Variants in PDE4D observed in about 807,000 individuals in gnomAD.
The protein encoded by PDE4D is phosphodiesterase 4D, also known as 3',5'-cyclic-AMP phosphodiesterase 4D.
In PDE4D, 24 loss-of-function variants were observed where a neutral mutation model predicts 87.4. The observed-to-expected ratio is 0.27, with a 90% CI of 0.20 to 0.39. PDE4D has a LOEUF of 0.39. PDE4D is among the 10% of genes least tolerant of loss of function. The pLI is 1.00. For missense variants in PDE4D, 714 were observed against 1,041.0 expected, an observed-to-expected ratio of 0.69 and a Z score of 4.32; for synonymous variants, 384 against 383.2, an observed-to-expected ratio of 1.00 and a Z score of -0.02.
At chr5:60,052,408 C>G (rs529864938) in intron 2 of PDE4D, among the ~76,000 whole-genome samples, 2 of 152,286 alleles carry the variant, frequency 1.3e-5, no homozygotes, top group South Asian at 4.2e-4. Context: ...AAACATAACC[C>G]ATCACATAAA....
chr5:59,428,446 T>C (rs1221520120), intron 1 of PDE4D, among the ~76,000 whole-genome samples: 1 of 152,110 alleles, frequency 6.6e-6, no homozygotes, highest in African/African-American at 2.4e-5. Context: ...TTTTTTTAAG[T>C]AATTAGAAAA....
intron 1 of PDE4D, among the ~76,000 whole-genome samples, chr5:59,298,870 G>T (rs1769632529): frequency 6.6e-6 from 1 of 152,128 alleles, no homozygotes; most frequent in African/African-American, 2.4e-5. Context: ...ATCTGATTTT[G>T]TGATAATTTG....
At chr5:59,566,583 T>TGTGAGAGA (rs1554029771) in intron 1 of PDE4D, among the ~76,000 whole-genome samples, 2 of 146,972 alleles carry the variant, frequency 1.4e-5, no homozygotes, top group Admixed American at 1.4e-4. Context: ...TGTGTGTGTG[T>TGTGAGAGA]GAGAGAATGA....
intron 1 of PDE4D, among the ~76,000 whole-genome samples, chr5:59,809,395 C>T (rs1768086260): frequency 6.6e-6 from 1 of 151,946 alleles, no homozygotes. Flanking sequence ...TAAATCTTAC[C>T]CTCTAGTTTA....
intron 1 of PDE4D, among the ~76,000 whole-genome samples, chr5:59,840,969 T>G (rs1320587644): frequency 6.6e-6 from 1 of 151,996 alleles, no homozygotes; most frequent in Non-Finnish European, 1.5e-5. Flanking sequence ...GTAAGAGAGG[T>G]AAAATGTTTT....
At chr5:59,048,760 C>T (rs1761105411) in intron 5 of PDE4D, among the ~76,000 whole-genome samples, 1 of 152,236 alleles carries the variant, frequency 6.6e-6, no homozygotes, top group African/African-American at 2.4e-5. Context: ...CTTATCTCCA[C>T]TCCTACCCCT....
chr5:59,525,258 C>G (rs756714266), intron 1 of PDE4D, among the ~76,000 whole-genome samples: 1 of 152,260 alleles, frequency 6.6e-6, no homozygotes, highest in African/African-American at 2.4e-5. Context: ...GGGGACCCAA[C>G]TCTTGCAACA....
chr5:60,390,962 T>C (rs1010071879), intron 1 of PDE4D, among the ~76,000 whole-genome samples: 17 of 152,142 alleles, frequency 1.1e-4, no homozygotes, highest in Admixed American at 6.6e-5. Flanking sequence ...ACAAACCTAA[T>C]ATAAACATGC....
At position 60,475,929 on chromosome 5, in the gene PDE4D, G is replaced by T. The variant is rs950271802; in HGVS notation, c.-90+12013C>A. ...GGTGCCTAACATAGAGTGACATTCA[G>T]TAGATAATCAATAAGGGGTAATAAC... On this transcript the variant is annotated intron_variant, in intron 1 of 16. Coordinates refer to the PDE4D transcript ENST00000502484. Among the ~76,000 whole-genome samples, 5 of 151,708 alleles carry T rather than the reference G, an allele frequency of 3.3e-5. No individual in the cohort carries two copies. In the East Asian group the frequency reaches 9.7e-4, roughly 29 times the overall value.
intron 1 of PDE4D, among the ~76,000 whole-genome samples, chr5:59,421,114 G>A (rs80347692): frequency 0.074 from 11,274 of 152,104 alleles, 602 homozygotes; most frequent in South Asian, 0.23. Context: ...CTGGTTTATT[G>A]TGAATTCTCA....
At chr5:59,053,645 G>GTTTTTTTTTTTTTTTTTTTTT (rs1338731940) in intron 5 of PDE4D, among the ~76,000 whole-genome samples, 1 of 68,792 alleles carries the variant, frequency 1.5e-5, no homozygotes, top group East Asian at 6.2e-4. Context: ...TTTGTTTTTT[G>GTTTTTTTTTTTTTTTTTTTTT]TTTTTTTTTG....
intron 1 of PDE4D, among the ~76,000 whole-genome samples, chr5:59,433,316 C>T (rs1796371557): frequency 6.6e-6 from 1 of 151,824 alleles, no homozygotes; most frequent in South Asian, 2.1e-4. Flanking sequence ...TTGCTTGTAC[C>T]CAGGTAATTA....
intron 1 of PDE4D, among the ~76,000 whole-genome samples, chr5:59,673,491 C>T (rs1561450724): frequency 6.6e-6 from 1 of 152,146 alleles, no homozygotes; most frequent in Non-Finnish European, 1.5e-5. Flanking sequence ...TGCAAAGTAA[C>T]ACGTGCTAAT....
chr5:59,403,547 A>G (rs1791072545), intron 1 of PDE4D, among the ~76,000 whole-genome samples: 1 of 152,086 alleles, frequency 6.6e-6, no homozygotes, highest in Admixed American at 6.6e-5. Flanking sequence ...TTAAATAGTG[A>G]GAATACGTGA....
At chr5:59,752,511 T>C (rs1037848661) in intron 1 of PDE4D, among the ~76,000 whole-genome samples, 1 of 152,142 alleles carries the variant, frequency 6.6e-6, no homozygotes, top group African/African-American at 2.4e-5. Flanking sequence ...GTGCTAGGGA[T>C]ACACCTGTGA....
chr5:59,722,899 C>T (rs1051468215), intron 1 of PDE4D, among the ~76,000 whole-genome samples: 1 of 152,074 alleles, frequency 6.6e-6, no homozygotes, highest in African/African-American at 2.4e-5. Context: ...CGTGTTTGCC[C>T]TTTTTCTGTT....
intron 5 of PDE4D, among the ~76,000 whole-genome samples, chr5:59,087,722 C>T (rs143385350): frequency 1.2e-3 from 183 of 152,244 alleles, no homozygotes; most frequent in African/African-American, 4.2e-3. Context: ...CACTCCTTCC[C>T]CATCACCTAT....
intron 3 of PDE4D, among the ~76,000 whole-genome samples, chr5:59,899,103 C>A (rs1302042220): frequency 5.3e-5 from 8 of 152,114 alleles, no homozygotes; most frequent in African/African-American, 9.7e-5. Context: ...CTGATTCTGG[C>A]AAACATTTTC....
At chr5:59,930,628 A>T (rs1181480890) in intron 3 of PDE4D, among the ~76,000 whole-genome samples, 1 of 152,200 alleles carries the variant, frequency 6.6e-6, no homozygotes. Flanking sequence ...AATCCTTAGG[A>T]AACTAATATA....
Sources: allele counts gnomAD v4.1 joint callset (sites outside exome capture counted in the v4.1 genomes callset), GRCh38; gene constraint gnomAD v4.1.1; transcripts MANE v1.5; gene names NCBI Gene and HGNC (gene_info 2026-07-23, HGNC 2026-07-21).